The following SLC5A2 variants were observed in gnomAD, a reference collection of about 807,000 sequenced individuals.
SLC5A2 encodes solute carrier family 5 member 2.
Under a neutral mutation model 69.0 loss-of-function variants are expected in SLC5A2, and 67 were observed. The ratio of observed to expected loss-of-function variants is 0.97; its 90% CI spans 0.80 to 1.19. SLC5A2 has a LOEUF of 1.19. SLC5A2 is among the 50% of genes most tolerant of loss of function. The pLI, the probability that SLC5A2 is intolerant of heterozygous loss-of-function variation, is 0.00. For synonymous variants in SLC5A2, 455 were observed against 395.8 expected (o/e 1.15, Z -1.78); for missense variants, 1,001 against 921.5 (o/e 1.09, Z -1.12).
In SLC5A2 at chr16:31,489,437, G is replaced by A. The variant is rs2082539506; in HGVS notation, c.1665+99G>A. ...GGGAGGACCTGAATTTCTCGACTGAGGGTTGGGAATGGGCTGGGGGTCCAG... is the reference window on the plus strand; with the variant it reads ...GGGAGGACCTGAATTTCTCGACTGAAGGTTGGGAATGGGCTGGGGGTCCAG... On this transcript the variant is annotated intron_variant, in intron 12 of 13. Transcript: ENST00000330498. 3.6e-6 allele frequency: 4 copies of A among 1,120,850 alleles called. No individual in the cohort carries two copies. The South Asian group carries it at 3.9e-5, about 11-fold the overall frequency. 69.4% of individuals were successfully genotyped at this position (1,120,850 alleles called of 1,614,324 possible).
chr16:31,487,322 G>A lies in SLC5A2; in HGVS notation c.577G>A (p.Gly193Arg). The change falls in exon 6 of 14, where the codon GGG becomes AGG. Residue 193 changes from glycine (G) to arginine (R), a missense_variant and splice_region_variant. Gly to Arg is a moderately radical substitution (Grantham distance 125). Transcript: ENST00000330498. The stretch of plus-strand genomic sequence containing the variant: ...CCCCTGACCCCGGCCTGTTGCAGGA[G>A]GGCTGGCCGCGCTGATGTACACGGA... ...GITMIYTVTG[G>R]LAALMYTDTV... The A allele has an allele frequency of 1.2e-6, 2 of 1,613,692 alleles. No individual in the cohort carries two copies. The highest frequency in any genetic ancestry group is 1.7e-6 in the Non-Finnish European group (2 of 1,179,986).
In SLC5A2 at chr16:31,490,516, T is replaced by C. The variant is rs776541459; in HGVS notation, c.2000T>C (p.Leu667Pro). 3 of 1,612,546 alleles carry C rather than the reference T, an allele frequency of 1.9e-6. No individual in the cohort carries two copies. The Admixed American group carries it at 5.0e-5, about 27-fold the overall frequency. The stretch of plus-strand genomic sequence containing the variant: ...CTCATGATGGCAGTGGCCGTGTTCC[T>C]CTGGGGCTTCTATGCCTAAGACCAA... ...ALLMMAVAVF[L>P]WGFYA is the part of the protein sequence containing the mutation. The change falls in exon 14 of 14, where the codon CTC becomes CCC. Residue 667 changes from leucine (L) to proline (P), a missense_variant. Coordinates refer to ENST00000330498, the MANE Select transcript of SLC5A2 (RefSeq NM_003041.4).
intron 11 of SLC5A2, 26 bp downstream of exon 11, chr16:31,489,074 C>G (rs766503061): frequency 5.6e-6 from 9 of 1,602,686 alleles, no homozygotes; most frequent in Non-Finnish European, 6.8e-6. Context: ...GTGGTGACGG[C>G]AGGGCTGGGC....
In SLC5A2 at chr16:31,487,747, G is replaced by A; in HGVS notation, c.873G>A (p.Trp291Ter). The change falls in exon 7 of 14, where the codon TGG becomes TGA. Residue 291 changes from tryptophan (W) to a stop codon, truncating the protein, a stop_gained. Transcript: ENST00000330498. LOFTEE classifies it high-confidence loss of function. ...TCACAATCGTCTCGGGCTGGTACTG[G>A]TGCAGCGACCAGGTGCGGGTATAGG... ...LGLTIVSGWY[W>*]CSDQVIVQRC... The A allele has an allele frequency of 6.2e-7, 1 of 1,609,948 alleles. No individual in the cohort carries two copies. Among genetic ancestry groups the A allele is most frequent in the Non-Finnish European group, 8.5e-7 (1 of 1,179,138 alleles).
chr16:31,489,408 A>G, intron 12 of SLC5A2, 70 bp downstream of exon 12: 1 of 1,400,740 alleles, frequency 7.1e-7, no homozygotes, highest in South Asian at 1.2e-5. Context: ...TGGAGTGCCC[A>G]GCTGGGAGGA....
chr16:31,484,188 C>G (rs2082476319), intron 1 of SLC5A2, among the ~76,000 whole-genome samples: 2 of 151,620 alleles, frequency 1.3e-5, no homozygotes, highest in Admixed American at 1.3e-4. Flanking sequence ...AGTTCAAGGC[C>G]AGCCTGGCCA....
intron 1 of SLC5A2, 89 bp downstream of exon 1, chr16:31,483,351 T>C: frequency 6.5e-7 from 1 of 1,537,170 alleles, no homozygotes; most frequent in South Asian, 1.1e-5. Context: ...GGGAGAATGA[T>C]GCTTGGATCT....
chr16:31,485,559 G>A (rs978841722), intron 3 of SLC5A2, 170 bp from the exon 4 acceptor site: 4 of 717,604 alleles, frequency 5.6e-6, no homozygotes, highest in African/African-American at 5.3e-5. Flanking sequence ...GAGGGTGTCA[G>A]CTCTGTTCCT....
At chr16:31,487,972 G>T in intron 7 of SLC5A2, 66 bp from the exon 8 acceptor site, 1 of 1,599,556 alleles carries the variant, frequency 6.3e-7, no homozygotes, top group Non-Finnish European at 8.5e-7. Context: ...GGCACAGAGC[G>T]GAACGGGGCG....
rs2142633899 is a variant in SLC5A2 at position 31,489,355 on chromosome 16, C to T, written c.1665+17C>T. 6.2e-7 allele frequency: 1 copy of T among 1,600,802 alleles called. No homozygotes were observed. The highest frequency in any genetic ancestry group is 8.5e-7 in the Non-Finnish European group (1 of 1,176,632). ...AGAAAGCACGTGAGTGGCCAGGTGC[C>T]CCAGGCAAGCACTGTGGGACACAGC... On this transcript the variant is annotated intron_variant, in intron 12 of 13. Transcript: ENST00000330498.
rs1240140690 is a variant in SLC5A2, at chr16:31,483,271, T to G, written c.126+9T>G. On this transcript the variant is annotated intron_variant, in intron 1 of 13. Coordinates refer to ENST00000330498, the MANE Select transcript of SLC5A2 (RefSeq NM_003041.4). ...TTGGCGTTGGCTTGTGGGTGAGAAG[T>G]TGGGGGGTGTGCTGCTGGTGGCTGC... The G allele has an allele frequency of 6.2e-7, 1 of 1,609,870 alleles. No homozygotes were observed. The highest frequency in any genetic ancestry group is 1.3e-5 in the African/African-American group (1 of 74,396).
In SLC5A2 at chr16:31,485,679, C is replaced by T. The variant is rs763922659; in HGVS notation, c.304-50C>T. 14 of 1,604,922 alleles carry T rather than the reference C, an allele frequency of 8.7e-6. No homozygotes were observed. The East Asian group carries it at 1.6e-4, about 18-fold the overall frequency. On this transcript the variant is annotated intron_variant, in intron 3 of 13. Transcript: ENST00000330498. ...AGCACCTTCACGAAGAGGTCAGATCCTCAGGGATGAGGGCAAAGCCACCCT... is the reference window on the plus strand; with the variant it reads ...AGCACCTTCACGAAGAGGTCAGATCTTCAGGGATGAGGGCAAAGCCACCCT...
chr16:31,488,462 G>C lies in SLC5A2; in HGVS notation c.1101G>C (p.Pro367=), dbSNP rs1201578923. The C allele has an allele frequency of 1.9e-6, 3 of 1,610,120 alleles. No homozygotes were observed. The East Asian group carries it at 6.7e-5, about 36-fold the overall frequency. The stretch of plus-strand genomic sequence containing the variant: ...TGGGCTGCTCCAACATCGCCTACCC[G>C]CGGCTCGTCGTGAAGCTCATGCCCA... ...TEVGCSNIAY[P]RLVVKLMPNG... is the part of the protein sequence containing the mutation. Residue 367 remains proline (P), a synonymous_variant, in exon 9 of 14, where the codon CCG becomes CCC. Transcript: ENST00000330498.
In SLC5A2 at chr16:31,483,145, G is replaced by A; in HGVS notation, c.9G>A (p.Glu3=). Residue 3 remains glutamate (E), a synonymous_variant, in exon 1 of 14, where the codon GAG becomes GAA. Coordinates refer to ENST00000330498, the MANE Select transcript of SLC5A2 (RefSeq NM_003041.4). ME[E]HTEAGSAPEM... ...GGCAGATCCTGGGGAGAATGGAGGAGCACACAGAGGCAGGCTCGGCACCAG... is the reference window on the plus strand; with the variant it reads ...GGCAGATCCTGGGGAGAATGGAGGAACACACAGAGGCAGGCTCGGCACCAG... The A allele has an allele frequency of 1.2e-6, 2 of 1,614,026 alleles. No individual in the cohort carries two copies. Among genetic ancestry groups the A allele is most frequent in the Non-Finnish European group, 1.7e-6 (2 of 1,180,010 alleles).
rs139661242 is a variant in SLC5A2, at chr16:31,489,008, T to A, written c.1409T>A (p.Val470Asp). The A allele has an allele frequency of 6.2e-7, 1 of 1,600,576 alleles. No homozygotes were observed. Among genetic ancestry groups the A allele is most frequent in the Admixed American group, 1.7e-5 (1 of 60,008 alleles). Residue 470 changes from valine to aspartate, a missense_variant, in exon 11 of 14, where the codon GTC (valine) becomes GAC (aspartate). By Grantham distance (152) the Val-to-Asp change is radical. Transcript: ENST00000330498. ...SSYLAPPVSA[V>D]FVLALFVPRV... Reference sequence around the variant, plus strand: ...TACCTGGCACCGCCCGTGTCCGCCGTCTTCGTGCTGGCGCTCTTCGTGCCG... The same window carrying A: ...TACCTGGCACCGCCCGTGTCCGCCGACTTCGTGCTGGCGCTCTTCGTGCCG...
chr16:31,488,825 G>A, intron 10 of SLC5A2, 53 bp downstream of exon 10: 1 of 1,601,006 alleles, frequency 6.2e-7, no homozygotes, highest in South Asian at 1.1e-5. Context: ...GCGGGGGCTT[G>A]CGCACCTGCA....
At position 31,489,159 on chromosome 16, in the gene SLC5A2, G is replaced by T; in HGVS notation, c.1486G>T (p.Gly496Cys). Residue 496 changes from glycine to cysteine, a missense_variant, in exon 12 of 14, where the codon GGC (glycine) becomes TGC (cysteine). By Grantham distance (159) the Gly-to-Cys change is radical (BLOSUM62 -3). Coordinates refer to ENST00000330498, the MANE Select transcript of SLC5A2 (RefSeq NM_003041.4). ...FWGLIGGLLM[G>C]LARLIPEFSF... Reference sequence around the variant, plus strand: ...GGGACTCATCGGGGGCCTGCTGATGGGCCTGGCACGCCTGATTCCCGAGTT... The same window carrying T: ...GGGACTCATCGGGGGCCTGCTGATGTGCCTGGCACGCCTGATTCCCGAGTT... The T allele has an allele frequency of 6.2e-7, 1 of 1,609,832 alleles. No individual in the cohort carries two copies. Among genetic ancestry groups the T allele is most frequent in the Non-Finnish European group, 8.5e-7 (1 of 1,180,000 alleles).
chr16:31,489,674 G>A, intron 12 of SLC5A2: 2 of 479,812 alleles, frequency 4.2e-6, no homozygotes. Flanking sequence ...CCAAAGGGCA[G>A]GTGGCTCCAG....
Position 31,490,716 on chromosome 16 carries a change from T to A in SLC5A2, c.*181T>A, listed in dbSNP as rs1024540883. ...TTGGCAGTCACTTCCCATGAGGGCCTGGCCCACCCGCTGCAGTTGCCCTAA... is the reference window on the plus strand; with the variant it reads ...TTGGCAGTCACTTCCCATGAGGGCCAGGCCCACCCGCTGCAGTTGCCCTAA... On this transcript the variant is annotated 3_prime_UTR_variant, in exon 14 of 14. Coordinates refer to ENST00000330498, the MANE Select transcript of SLC5A2 (RefSeq NM_003041.4). 845 of 1,246,254 alleles carry A rather than the reference T, an allele frequency of 6.8e-4. 7 individuals carry two copies. In the African/African-American group the frequency reaches 0.012, roughly 17 times the overall value. The allele number at this position is 1,246,254 out of a possible 1,614,324, so 77.2% of individuals were successfully genotyped here.
Sources: gnomAD v4.1 joint callset for allele counts (sites outside exome capture counted in the v4.1 genomes callset) on GRCh38, gnomAD v4.1.1 for gene constraint, MANE v1.5 for transcripts, NCBI Gene and HGNC (gene_info 2026-07-23, HGNC 2026-07-21) for gene names.